Variants in SEPTIN9 observed in about 807,000 individuals in gnomAD.
SEPTIN9 encodes the protein septin-9.
In SEPTIN9, 13 loss-of-function variants were observed where a neutral mutation model predicts 56.6. The ratio of observed to expected loss-of-function variants is 0.23; its 90% confidence interval spans 0.15 to 0.37. The LOEUF is 0.37. Among genes scored for constraint, SEPTIN9 ranks in the 10% least tolerant of loss-of-function variants. The pLI is 1.00. For missense variants in SEPTIN9, 650 were observed against 823.1 expected (o/e 0.79, Z 2.57); for synonymous variants, 332 against 334.1 (o/e 0.99, Z 0.07).
intron 3 of SEPTIN9, among the ~76,000 whole-genome samples, chr17:77,404,792 C>T (rs2036009793): frequency 6.6e-6 from 1 of 152,132 alleles, no homozygotes; most frequent in African/African-American, 2.4e-5. Flanking sequence ...CTTTCCGGCC[C>T]TCAGTGTGCG....
chr17:77,427,860 C>T (rs1406015140), intron 3 of SEPTIN9, among the ~76,000 whole-genome samples: 4 of 152,198 alleles, frequency 2.6e-5, no homozygotes, highest in African/African-American at 9.7e-5. Flanking sequence ...TCATCCTGGG[C>T]CTGCCCGACT....
chr17:77,439,848 T>C (rs2037480969), intron 3 of SEPTIN9, among the ~76,000 whole-genome samples: 1 of 152,244 alleles, frequency 6.6e-6, no homozygotes, highest in South Asian at 2.1e-4. Flanking sequence ...CTGGGCCTCT[T>C]TGGGGACTCA....
rs1012495670 is a variant in SEPTIN9, at chr17:77,450,153, A to G, written c.722-31991A>G. On this transcript the variant is annotated intron_variant, in intron 3 of 11. Coordinates refer to ENST00000427177, the MANE Select transcript of SEPTIN9 (RefSeq NM_001113491.2). The surrounding 1 kb of genome is among the most constrained non-coding windows in gnomAD (Gnocchi z 6.0). ...CGTGGGACCAGGAGGCCTTAGGGGG[A>G]AAGTTGGCCATGAGGAGTGGGAAGC... Among the ~76,000 whole-genome samples, 2 of 151,896 alleles carry G rather than the reference A, an allele frequency of 1.3e-5. No homozygotes were observed. The highest frequency in any genetic ancestry group is 2.9e-5 in the Non-Finnish European group (2 of 67,968).
In SEPTIN9 at chr17:77,385,217, C is replaced by T. The variant is rs114359285; in HGVS notation, c.77-16842C>T. On this transcript the variant is annotated intron_variant, in intron 2 of 11. Transcript: ENST00000427177. ...TTCACTGTGTCCCAGGCTGAAGTGG[C>T]GGTGGCACGTTCTTGGTTCACTGCA... Among the ~76,000 whole-genome samples, 1,239 of 140,312 alleles carry T rather than the reference C, an allele frequency of 8.8e-3. 14 individuals are homozygous for T. Among genetic ancestry groups the T allele is most frequent in the African/African-American group, 0.03 (1,133 of 37,384 alleles). 92.1% of individuals were successfully genotyped at this position (140,312 alleles called of 152,430 possible).
chr17:77,449,276 A>G lies in SEPTIN9; in HGVS notation c.722-32868A>G, dbSNP rs150042299. ...GAAGGACAGAGGCTTTGTGTGGGGG[A>G]TGCAGCCCCAGGCCGGAGATGCCTT... On this transcript the variant is annotated intron_variant, in intron 3 of 11. Transcript: ENST00000427177. The surrounding 1 kb of genome is among the most constrained non-coding windows in gnomAD (Gnocchi z 4.6). Among the ~76,000 whole-genome samples the G allele has an allele frequency of 1.5e-3, 221 of 152,104 alleles. 3 individuals are homozygous for G. Among genetic ancestry groups the G allele is most frequent in the East Asian group, 1.7e-3 (9 of 5,170 alleles).
intron 2 of SEPTIN9, among the ~76,000 whole-genome samples, chr17:77,320,904 T>C (rs1015737789): frequency 7.9e-5 from 12 of 152,218 alleles, no homozygotes; most frequent in Non-Finnish European, 1.3e-4. Flanking sequence ...TGTGTGTGCG[T>C]GTGTCCATTC....
At chr17:77,377,507 A>T (rs1352419999) in intron 2 of SEPTIN9, among the ~76,000 whole-genome samples, 2 of 151,600 alleles carry the variant, frequency 1.3e-5, no homozygotes, top group African/African-American at 4.8e-5. Context: ...ATGTTTGTTG[A>T]AACAATCTGG....
At position 77,449,363 on chromosome 17, in the gene SEPTIN9, C is replaced by A. The variant is rs140942353; in HGVS notation, c.722-32781C>A. ...GAGGAACCACTGCAAGAGGGGCGGC[C>A]ACCTCAGCAAAGCACCCAGGATGCT... On this transcript the variant is annotated intron_variant, in intron 3 of 11. Coordinates refer to ENST00000427177, the MANE Select transcript of SEPTIN9 (RefSeq NM_001113491.2). The surrounding 1 kb of genome is among the most constrained non-coding windows in gnomAD (Gnocchi z 4.6). Among the ~76,000 whole-genome samples the A allele has an allele frequency of 6.6e-6, 1 of 152,148 alleles. No individual in the cohort carries two copies. The highest frequency in any genetic ancestry group is 2.4e-5 in the African/African-American group (1 of 41,426).
chr17:77,304,585 C>G (rs2032187127), intron 1 of SEPTIN9, among the ~76,000 whole-genome samples: 1 of 152,128 alleles, frequency 6.6e-6, no homozygotes. Flanking sequence ...ATAGGGCAGC[C>G]TTTGTCGCCG....
At chr17:77,441,517 G>A (rs2037546304) in intron 3 of SEPTIN9, among the ~76,000 whole-genome samples, 1 of 152,224 alleles carries the variant, frequency 6.6e-6, no homozygotes, top group South Asian at 2.1e-4. Context: ...CCATAAGGGA[G>A]GGCAGGAAGT....
intron 3 of SEPTIN9, among the ~76,000 whole-genome samples, chr17:77,455,891 C>T (rs1034658458): frequency 2.6e-5 from 4 of 152,156 alleles, no homozygotes; most frequent in South Asian, 2.1e-4. Flanking sequence ...CTGCACGCTC[C>T]GCACAAGGTC....
chr17:77,378,004 G>C (rs574206978), intron 2 of SEPTIN9, among the ~76,000 whole-genome samples: 1 of 152,184 alleles, frequency 6.6e-6, no homozygotes, highest in Non-Finnish European at 1.5e-5. Context: ...GGGCCAGACA[G>C]ACCCACTGTC....
At chr17:77,357,418 A>G (rs2034290189) in intron 2 of SEPTIN9, among the ~76,000 whole-genome samples, 1 of 152,182 alleles carries the variant, frequency 6.6e-6, no homozygotes, top group African/African-American at 2.4e-5. Flanking sequence ...TACAGGGAAC[A>G]CATTCAGCCA....
At chr17:77,358,535 C>G (rs2034324060) in intron 2 of SEPTIN9, among the ~76,000 whole-genome samples, 1 of 152,054 alleles carries the variant, frequency 6.6e-6, no homozygotes. Context: ...AGCTACCCAG[C>G]TACTGAGGCA....
chr17:77,353,173 G>T (rs2034117807), intron 2 of SEPTIN9, among the ~76,000 whole-genome samples: 1 of 152,164 alleles, frequency 6.6e-6, no homozygotes. Flanking sequence ...GTGCGCAGGT[G>T]GGTGAGGGGC....
At position 77,343,003 on chromosome 17, in the gene SEPTIN9, G is replaced by GTCTGTCTATCTATCTATCTA. The variant is rs71160228; in HGVS notation, c.76+35809_76+35810insGTCTATCTATCTATCTATCT. 6.9e-3 allele frequency among the ~76,000 whole-genome samples: 1,010 copies of GTCTGTCTATCTATCTATCTA among 147,226 alleles called. 9 individuals carry two copies. The highest frequency in any genetic ancestry group is 0.017 in the East Asian group (85 of 4,908). On this transcript the variant is annotated intron_variant, in intron 2 of 11. Transcript: ENST00000427177. ...AATCAATGTATCTGTCTGTCTGTCT[G>GTCTGTCTATCTATCTATCTA]TCTATCTATCTATCTATCTATCTAT...
At chr17:77,286,475 A>G (rs2031285567) in intron 1 of SEPTIN9, 1 of 152,422 alleles carries the variant, frequency 6.6e-6, no homozygotes, top group South Asian at 2.1e-4. Flanking sequence ...ACTTAGGGGC[A>G]GTGGTCTGGA....
At chr17:77,300,697 A>T in intron 1 of SEPTIN9, among the ~76,000 whole-genome samples, 1 of 52,430 alleles carries the variant, frequency 1.9e-5, no homozygotes, top group East Asian at 4.3e-4. Context: ...CCCCCACCCC[A>T]GGCTCAAACC....
At position 77,402,602 on chromosome 17, in the gene SEPTIN9, C is replaced by G. The variant is rs2035939283; in HGVS notation, c.620C>G (p.Thr207Ser). Reference sequence around the variant, plus strand: ...CCCACCGCCCCCAGCCCAGCCCAGACCTTGGAGAATTCAGAGCCTGCCCCT... The same window carrying G: ...CCCACCGCCCCCAGCCCAGCCCAGAGCTTGGAGAATTCAGAGCCTGCCCCT... ...EAPTAPSPAQ[T>S]LENSEPAPVS... The change falls in exon 3 of 12, where the codon ACC (threonine) becomes AGC (serine). Residue 207 changes from threonine to serine, a missense_variant. Thr to Ser is a moderately conservative substitution (Grantham distance 58). This residue lies in a region of SEPTIN9 where 317 missense variants were observed against 329.1 expected (regional missense o/e 0.96). Transcript: ENST00000427177. This position sits in a 1 kb window ranked among gnomAD's most constrained non-coding sequence, Gnocchi z 6.6. The G allele has an allele frequency of 6.2e-7, 1 of 1,612,702 alleles. No homozygotes were observed.
Sources: gnomAD v4.1 joint callset for allele counts (sites outside exome capture counted in the v4.1 genomes callset) on GRCh38, gnomAD v4.1.1 for gene constraint, gnomAD v4.1.1 regional missense constraint, Gnocchi (gnomAD v3.1) non-coding constraint, MANE v1.5 for transcripts, NCBI Gene and HGNC (gene_info 2026-07-23, HGNC 2026-07-21) for gene names.